SPAG16: variants seen among roughly 807,000 people sequenced by gnomAD.
SPAG16 encodes the protein sperm-associated antigen 16 protein.
In SPAG16, 86 loss-of-function variants were observed where a neutral mutation model predicts 80.4. The ratio of observed to expected loss-of-function variants is 1.07; its 90% CI spans 0.90 to 1.28. SPAG16 has a LOEUF of 1.28. SPAG16 is among the 50% of genes most tolerant of loss of function. SPAG16 has a pLI of 0.00. For missense variants in SPAG16, 870 were observed against 765.3 expected, an observed-to-expected ratio of 1.14 and a Z score of -1.61; for synonymous variants, 294 against 265.9, an observed-to-expected ratio of 1.11 and a Z score of -1.03.
At chr2:213,300,714 A>C (rs1185934447) in intron 3 of SPAG16, among the ~76,000 whole-genome samples, 1 of 152,162 alleles carries the variant, frequency 6.6e-6, no homozygotes, top group Non-Finnish European at 1.5e-5. Flanking sequence ...AAGTTTTGCT[A>C]TAGTTATTTT....
Position 213,677,861 on chromosome 2 carries a change from G to C in SPAG16, c.1071-184624G>C, listed in dbSNP as rs546456421. 1.8e-3 allele frequency among the ~76,000 whole-genome samples: 281 copies of C among 152,124 alleles called. 1 individual carries two copies. The highest frequency in any genetic ancestry group is 6.4e-3 in the African/African-American group (265 of 41,496). ...CACCGATTCCAAAATTGACCACATAGTTGGAAGTAAAGCTCTCCTCAGCAA... is the reference window on the plus strand; with the variant it reads ...CACCGATTCCAAAATTGACCACATACTTGGAAGTAAAGCTCTCCTCAGCAA... On this transcript the variant is annotated intron_variant, in intron 10 of 15. Transcript: ENST00000331683.
At chr2:213,328,546 C>A (rs748227716) in intron 5 of SPAG16, among the ~76,000 whole-genome samples, 2 of 152,144 alleles carry the variant, frequency 1.3e-5, no homozygotes, top group Non-Finnish European at 2.9e-5. Flanking sequence ...ACTTAGTACT[C>A]AGTAAGGATG....
intron 15 of SPAG16, among the ~76,000 whole-genome samples, chr2:214,153,794 G>T (rs542062294): frequency 1.8e-4 from 27 of 152,024 alleles, no homozygotes; most frequent in Non-Finnish European, 3.8e-4. Flanking sequence ...TATATTTTAA[G>T]TCAAGATATA....
At chr2:213,561,767 T>C (rs540934570) in intron 10 of SPAG16, among the ~76,000 whole-genome samples, 6 of 152,332 alleles carry the variant, frequency 3.9e-5, no homozygotes, top group African/African-American at 1.4e-4. Flanking sequence ...ATTTTTATTA[T>C]TTTTATCAAA....
chr2:214,409,579 G>A (rs1034871892), intron 15 of SPAG16, among the ~76,000 whole-genome samples: 3 of 151,964 alleles, frequency 2.0e-5, no homozygotes, highest in African/African-American at 7.2e-5. Flanking sequence ...AAACTCTCAA[G>A]TCATTTTGAA....
intron 12 of SPAG16, among the ~76,000 whole-genome samples, chr2:213,984,069 A>G (rs533860924): frequency 6.6e-6 from 1 of 152,232 alleles, no homozygotes; most frequent in African/African-American, 2.4e-5. Flanking sequence ...TGCTAGCTGA[A>G]GTTCCCAATG....
At chr2:213,425,651 CAAAA>C (rs34843702) in intron 9 of SPAG16, among the ~76,000 whole-genome samples, 1 of 82,108 alleles carries the variant, frequency 1.2e-5, no homozygotes. Flanking sequence ...GACTCCATCT[CAAAA>C]AAAAAAAAAA....
chr2:213,309,304 CTTTA>C (rs372289360), intron 3 of SPAG16, among the ~76,000 whole-genome samples: 1 of 151,992 alleles, frequency 6.6e-6, no homozygotes, highest in Non-Finnish European at 1.5e-5. Flanking sequence ...CTCTAACAAA[CTTTA>C]TTTATAAGAA....
At chr2:214,340,219 C>G (rs529447475) in intron 15 of SPAG16, among the ~76,000 whole-genome samples, 34 of 152,330 alleles carry the variant, frequency 2.2e-4, no homozygotes, top group African/African-American at 7.9e-4. Context: ...TAGACCCACA[C>G]TACTCATTCT....
At chr2:213,566,730 G>A (rs2059781760) in intron 10 of SPAG16, among the ~76,000 whole-genome samples, 1 of 152,178 alleles carries the variant, frequency 6.6e-6, no homozygotes, top group South Asian at 2.1e-4. Context: ...TCCTTCTGGT[G>A]ATGGTGTATA....
intron 10 of SPAG16, among the ~76,000 whole-genome samples, chr2:213,838,113 A>G (rs977583090): frequency 1.3e-5 from 2 of 149,374 alleles, no homozygotes; most frequent in African/African-American, 2.5e-5. Context: ...TCAGCAAAGG[A>G]AAAAAAAAAG....
intron 7 of SPAG16, among the ~76,000 whole-genome samples, chr2:213,356,784 C>G (rs900921686): frequency 2.0e-5 from 3 of 152,134 alleles, no homozygotes; most frequent in African/African-American, 4.8e-5. Flanking sequence ...TTCTTGCCTT[C>G]TGCTAGCTTT....
chr2:213,451,921 G>A (rs74337153), intron 9 of SPAG16, among the ~76,000 whole-genome samples: 18 of 151,604 alleles, frequency 1.2e-4, no homozygotes, highest in Non-Finnish European at 1.6e-4. Flanking sequence ...TCCCTGACTC[G>A]CCCCATACCC....
intron 15 of SPAG16, among the ~76,000 whole-genome samples, chr2:214,168,418 C>T (rs2056746991): frequency 6.6e-6 from 1 of 152,086 alleles, no homozygotes; most frequent in African/African-American, 2.4e-5. Flanking sequence ...GCATAAGTCT[C>T]TGCCCTTATT....
chr2:214,406,838 A>T (rs926777804), intron 15 of SPAG16, among the ~76,000 whole-genome samples: 2 of 152,124 alleles, frequency 1.3e-5, no homozygotes, highest in African/African-American at 4.8e-5. Context: ...AAAGGTATTG[A>T]TTTACTAAAC....
chr2:213,886,681 C>T (rs2076568156), intron 11 of SPAG16, among the ~76,000 whole-genome samples: 1 of 151,652 alleles, frequency 6.6e-6, no homozygotes, highest in African/African-American at 2.4e-5. Context: ...ACTATCACAG[C>T]AACAAGTAGA....
intron 10 of SPAG16, among the ~76,000 whole-genome samples, chr2:213,506,665 C>G (rs1158045759): frequency 6.6e-6 from 1 of 152,118 alleles, no homozygotes; most frequent in Non-Finnish European, 1.5e-5. Flanking sequence ...ATGCTGCCAT[C>G]CCATCTGCTA....
intron 1 of SPAG16, among the ~76,000 whole-genome samples, chr2:213,285,715 A>G (rs568034637): frequency 1.3e-5 from 2 of 152,346 alleles, no homozygotes; most frequent in African/African-American, 4.8e-5. Flanking sequence ...TATTGGGTGC[A>G]AAAACGACTT....
At chr2:214,291,544 A>C (rs2125931720) in intron 15 of SPAG16, among the ~76,000 whole-genome samples, 1 of 151,658 alleles carries the variant, frequency 6.6e-6, no homozygotes, top group South Asian at 2.1e-4. Flanking sequence ...TGACCTCGTG[A>C]TCCGCCCGCC....
Sources: gnomAD v4.1 joint callset for allele counts (sites outside exome capture counted in the v4.1 genomes callset) on GRCh38, gnomAD v4.1.1 for gene constraint, MANE v1.5 for transcripts, NCBI Gene and HGNC (gene_info 2026-07-23, HGNC 2026-07-21) for gene names.